The following MAGI2 variants were observed in gnomAD, a reference collection of about 807,000 sequenced individuals.
MAGI2 encodes the protein membrane associated guanylate kinase, WW and PDZ domain containing 2.
A neutral mutation model predicts 133.3 loss-of-function variants in MAGI2; 35 were observed. The ratio of observed to expected loss-of-function variants is 0.26; its 90% CI spans 0.20 to 0.35. MAGI2 has a LOEUF of 0.35. Among genes scored for constraint, MAGI2 ranks in the 10% least tolerant of loss-of-function variants. The pLI is 1.00. For synonymous variants in MAGI2, 729 were observed against 710.6 expected, an observed-to-expected ratio of 1.03 and a Z score of -0.41; for missense variants, 1,636 against 1,863.4, an observed-to-expected ratio of 0.88 and a Z score of 2.25.
intron 1 of MAGI2, among the ~76,000 whole-genome samples, chr7:79,417,265 C>A (rs191534660): frequency 6.6e-6 from 1 of 152,064 alleles, no homozygotes; most frequent in Non-Finnish European, 1.5e-5. Flanking sequence ...AAGTCTAATA[C>A]TGATAGAATT....
At chr7:79,374,290 A>G (rs1464718459) in intron 1 of MAGI2, among the ~76,000 whole-genome samples, 1 of 151,500 alleles carries the variant, frequency 6.6e-6, no homozygotes, top group East Asian at 1.9e-4. Flanking sequence ...TATGACTGGT[A>G]GCCTTATCAA....
intron 6 of MAGI2, among the ~76,000 whole-genome samples, chr7:78,392,835 G>A (rs1022289789): frequency 6.6e-6 from 1 of 151,986 alleles, no homozygotes; most frequent in Non-Finnish European, 1.5e-5. Flanking sequence ...TAGAGATGGG[G>A]TTTCTCCATG....
chr7:79,130,653 T>G (rs992957032), intron 1 of MAGI2, among the ~76,000 whole-genome samples: 3 of 152,216 alleles, frequency 2.0e-5, no homozygotes, highest in African/African-American at 7.2e-5. Context: ...CATCATTGAA[T>G]TGTGGTGAGG....
chr7:78,647,555 A>AATT (rs1266784320), intron 2 of MAGI2, among the ~76,000 whole-genome samples: 5 of 152,176 alleles, frequency 3.3e-5, no homozygotes, highest in Admixed American at 3.3e-4. Context: ...TGGGAGTGTA[A>AATT]ATTAGTTCAA....
intron 1 of MAGI2, among the ~76,000 whole-genome samples, chr7:79,083,176 A>G (rs1816196246): frequency 6.6e-6 from 1 of 151,600 alleles, no homozygotes; most frequent in South Asian, 2.1e-4. Context: ...TTTATTTTTC[A>G]TTTAGCTTAA....
intron 1 of MAGI2, among the ~76,000 whole-genome samples, chr7:79,285,140 C>A (rs2129558303): frequency 6.6e-6 from 1 of 152,072 alleles, no homozygotes; most frequent in African/African-American, 2.4e-5. Flanking sequence ...TATTTATATG[C>A]AGAATTACTT....
chr7:78,827,378 A>C (rs1471844109), intron 2 of MAGI2, among the ~76,000 whole-genome samples: 1 of 152,210 alleles, frequency 6.6e-6, no homozygotes, highest in Non-Finnish European at 1.5e-5. Context: ...TCCTGGACTC[A>C]AGTAATCCTC....
chr7:79,033,772 C>G (rs1203965077), intron 1 of MAGI2, among the ~76,000 whole-genome samples: 1 of 152,094 alleles, frequency 6.6e-6, no homozygotes, highest in East Asian at 1.9e-4. Context: ...GGCTTTTGGT[C>G]TTCTCTGTCA....
intron 1 of MAGI2, among the ~76,000 whole-genome samples, chr7:79,136,478 G>A (rs367852440): frequency 2.0e-5 from 3 of 152,120 alleles, no homozygotes; most frequent in Admixed American, 6.5e-5. Flanking sequence ...GCCTAATTCC[G>A]CCTCTCATCA....
chr7:78,612,871 T>C lies in MAGI2; in HGVS notation c.538+14249A>G, dbSNP rs1029652183. 9.2e-5 allele frequency among the ~76,000 whole-genome samples: 14 copies of C among 151,880 alleles called. No homozygotes were observed. The South Asian group carries it at 1.5e-3, about 16-fold the overall frequency. On this transcript the variant is annotated intron_variant, in intron 3 of 21. Transcript: ENST00000354212. ...ATTTTTAGTAGAGACGGGGTTTCAC[T>C]GTGTTAGCCAGGATGGTCTCGATCT...
intron 12 of MAGI2, among the ~76,000 whole-genome samples, chr7:78,189,629 A>T (rs895975856): frequency 9.2e-5 from 14 of 152,220 alleles, no homozygotes; most frequent in African/African-American, 2.9e-4. Flanking sequence ...AAAAAGTTTG[A>T]ACAACTTCAG....
intron 20 of MAGI2, among the ~76,000 whole-genome samples, chr7:78,105,594 C>A (rs904874701): frequency 1.2e-4 from 19 of 152,040 alleles, no homozygotes; most frequent in South Asian, 4.1e-4. Context: ...TTTTAATTTT[C>A]TTTCTAGTTA....
At chr7:78,642,415 GTTGCA>G (rs1810409309) in intron 2 of MAGI2, among the ~76,000 whole-genome samples, 1 of 152,210 alleles carries the variant, frequency 6.6e-6, no homozygotes, top group Admixed American at 6.5e-5. Context: ...TTGATTCTGT[GTTGCA>G]TTGCAGCAAA....
intron 21 of MAGI2, among the ~76,000 whole-genome samples, chr7:78,041,193 G>A (rs1810796823): frequency 6.6e-6 from 1 of 152,180 alleles, no homozygotes; most frequent in Non-Finnish European, 1.5e-5. Flanking sequence ...CTCAGACACT[G>A]CACAAGAAGC....
At chr7:78,184,343 C>G (rs1827479467) in intron 13 of MAGI2, 1 of 152,142 alleles carries the variant, frequency 6.6e-6, no homozygotes, top group Admixed American at 6.5e-5. Context: ...TAAACAAATA[C>G]TTTAGACATT....
chr7:78,231,262 C>A (rs1397231184), intron 10 of MAGI2, among the ~76,000 whole-genome samples: 1 of 152,172 alleles, frequency 6.6e-6, no homozygotes, highest in Non-Finnish European at 1.5e-5. Flanking sequence ...TCTGAGGCAA[C>A]AAGACTAGAG....
intron 2 of MAGI2, among the ~76,000 whole-genome samples, chr7:78,967,622 T>A (rs183131047): frequency 0.012 from 1,768 of 151,158 alleles, 13 homozygotes; most frequent in Non-Finnish European, 0.014. Flanking sequence ...GATTTTTTTT[T>A]TATATATATA....
At chr7:78,910,927 C>T (rs1165633892) in intron 2 of MAGI2, among the ~76,000 whole-genome samples, 2 of 152,194 alleles carry the variant, frequency 1.3e-5, no homozygotes, top group Non-Finnish European at 2.9e-5. Context: ...TACATACACA[C>T]ATTTGCACTC....
Position 78,019,437 on chromosome 7 carries a change from G to T in MAGI2, c.4246C>A (p.Pro1416Thr), listed in dbSNP as rs1009011515. Residue 1416 changes from proline to threonine, a missense_variant, in exon 22 of 22, where the codon CCG becomes ACG. Coordinates refer to ENST00000354212, the MANE Select transcript of MAGI2 (RefSeq NM_012301.4). ...AGARAGPRPG[P>T]RPPGGAPARK... ...GCCGGGGCGCCCCCCGGGGGTCGCG[G>T]GCCCGGCCGGGGACCCGCGCGCGCA... is the stretch of plus-strand genomic sequence containing the variant. The T allele has an allele frequency of 6.0e-6, 6 of 999,900 alleles. No individual in the cohort carries two copies. The highest frequency in any genetic ancestry group is 1.2e-6 in the Non-Finnish European group (1 of 841,466). The allele number at this position is 999,900 out of a possible 1,614,324, so 61.9% of individuals were successfully genotyped here. A position where few individuals can be genotyped will look rare whatever the true frequency, so the allele number is the denominator to read the frequency against.
Sources: allele counts gnomAD v4.1 joint callset (sites outside exome capture counted in the v4.1 genomes callset), GRCh38; gene constraint gnomAD v4.1.1; transcripts MANE v1.5; gene names NCBI Gene and HGNC (gene_info 2026-07-23, HGNC 2026-07-21).